SUCLG2: variants seen among roughly 807,000 people sequenced by gnomAD.
SUCLG2 encodes succinate-CoA ligase GDP-forming subunit beta.
A neutral mutation model predicts 47.9 loss-of-function variants in SUCLG2; 42 were observed. The ratio of observed to expected loss-of-function variants is 0.88; its 90% CI spans 0.69 to 1.14. The LOEUF (loss-of-function observed/expected upper bound fraction) is 1.14. Among genes scored for constraint, SUCLG2 ranks in the 50% most tolerant of loss-of-function variants. The pLI is 0.00. For missense variants in SUCLG2, 571 were observed against 525.9 expected, an observed-to-expected ratio of 1.09 and a Z score of -0.84; for synonymous variants, 195 against 197.3, an observed-to-expected ratio of 0.99 and a Z score of 0.10.
chr3:67,562,283 T>C (rs977138747), intron 2 of SUCLG2, among the ~76,000 whole-genome samples: 2 of 151,734 alleles, frequency 1.3e-5, no homozygotes, highest in African/African-American at 4.8e-5. Context: ...TTTTTTTGTT[T>C]GTTTTTTTTT....
At chr3:67,540,545 A>G (rs904994380) in intron 2 of SUCLG2, among the ~76,000 whole-genome samples, 17 of 152,356 alleles carry the variant, frequency 1.1e-4, no homozygotes, top group African/African-American at 3.8e-4. Context: ...CAGCAGCCCC[A>G]GTCAGGGACT....
chr3:67,456,844 G>A (rs1704198008), intron 9 of SUCLG2, among the ~76,000 whole-genome samples: 1 of 152,136 alleles, frequency 6.6e-6, no homozygotes, highest in Admixed American at 6.5e-5. Context: ...AGAAAAACAT[G>A]TTTAGGGGGA....
At chr3:67,365,178 G>A (rs1214605621) in intron 10 of SUCLG2, among the ~76,000 whole-genome samples, 1 of 152,180 alleles carries the variant, frequency 6.6e-6, no homozygotes, top group Non-Finnish European at 1.5e-5. Flanking sequence ...TAACAGAAGA[G>A]CTAATATTTA....
At chr3:67,451,431 A>G (rs1258732214) in intron 9 of SUCLG2, among the ~76,000 whole-genome samples, 1 of 152,220 alleles carries the variant, frequency 6.6e-6, no homozygotes, top group Non-Finnish European at 1.5e-5. Context: ...TTTCTCACGT[A>G]CAGTTGTCAG....
At chr3:67,486,320 GA>G (rs1705051301) in intron 9 of SUCLG2, among the ~76,000 whole-genome samples, 1 of 152,036 alleles carries the variant, frequency 6.6e-6, no homozygotes, top group African/African-American at 2.4e-5. Flanking sequence ...GAAAGAGAAA[GA>G]AAAGGTGTCT....
intron 2 of SUCLG2, among the ~76,000 whole-genome samples, chr3:67,535,806 A>C (rs1706525392): frequency 6.6e-6 from 1 of 152,106 alleles, no homozygotes. Flanking sequence ...ACCTAATCAC[A>C]ATGAACTGCA....
In SUCLG2 at chr3:67,486,397, T is replaced by C. The variant is rs562810152; in HGVS notation, c.1062+9401A>G. On this transcript the variant is annotated intron_variant, in intron 9 of 10. Transcript: ENST00000307227. ...AACACTACCCAGGCAATTCTCATTA[T>C]CCACAGTAGTTATGGTCTATACAGT... Among the ~76,000 whole-genome samples, 111 of 152,328 alleles carry C rather than the reference T, an allele frequency of 7.3e-4. 1 individual carries two copies. The Middle Eastern group carries it at 0.01, about 14-fold the overall frequency.
intron 1 of SUCLG2, among the ~76,000 whole-genome samples, chr3:67,644,470 G>A (rs934558293): frequency 6.6e-6 from 1 of 152,120 alleles, no homozygotes; most frequent in Non-Finnish European, 1.5e-5. Flanking sequence ...GGTTGGCAGG[G>A]ACTAGGGGAA....
At chr3:67,391,438 G>C (rs943524557) in intron 10 of SUCLG2, among the ~76,000 whole-genome samples, 5 of 152,132 alleles carry the variant, frequency 3.3e-5, no homozygotes, top group Non-Finnish European at 7.3e-5. Flanking sequence ...CTGGAGGAGA[G>C]AAAGAAACCT....
chr3:67,468,943 C>T (rs2106978204), intron 9 of SUCLG2, among the ~76,000 whole-genome samples: 1 of 152,312 alleles, frequency 6.6e-6, no homozygotes, highest in South Asian at 2.1e-4. Context: ...CCCCTGCCTT[C>T]AATCAGGTGT....
At chr3:67,427,620 GAT>G (rs1172195470) in intron 9 of SUCLG2, among the ~76,000 whole-genome samples, 1 of 152,260 alleles carries the variant, frequency 6.6e-6, no homozygotes, top group East Asian at 1.9e-4. Flanking sequence ...GGGCTTGTCG[GAT>G]ACTGGGTGCA....
intron 2 of SUCLG2, among the ~76,000 whole-genome samples, chr3:67,544,145 T>C (rs1928551): frequency 0.088 from 13,418 of 152,170 alleles, 836 homozygotes; most frequent in East Asian, 0.24. Flanking sequence ...CTGGAAGAAA[T>C]AGACACAAAC....
chr3:67,604,528 T>C (rs1708486448), intron 2 of SUCLG2, among the ~76,000 whole-genome samples: 1 of 152,228 alleles, frequency 6.6e-6, no homozygotes, highest in African/African-American at 2.4e-5. Context: ...AACTTTATCT[T>C]GCCTGTTTCC....
intron 2 of SUCLG2, among the ~76,000 whole-genome samples, chr3:67,591,765 T>G (rs1302812727): frequency 6.6e-6 from 1 of 152,196 alleles, no homozygotes; most frequent in Non-Finnish European, 1.5e-5. Context: ...GTTAGATCTA[T>G]CACATGGAGT....
chr3:67,651,026 G>A (rs903623371), intron 1 of SUCLG2, among the ~76,000 whole-genome samples: 4 of 152,258 alleles, frequency 2.6e-5, no homozygotes, highest in Middle Eastern at 3.4e-3. Flanking sequence ...TGGCTATATG[G>A]ACACAGCAAC....
chr3:67,430,006 C>G (rs1018371363), intron 9 of SUCLG2, among the ~76,000 whole-genome samples: 2 of 152,126 alleles, frequency 1.3e-5, no homozygotes, highest in Non-Finnish European at 2.9e-5. Context: ...TAATGGGAGA[C>G]TTTAACACCC....
intron 1 of SUCLG2, among the ~76,000 whole-genome samples, chr3:67,610,490 C>G (rs1700508545): frequency 6.6e-6 from 1 of 151,368 alleles, no homozygotes; most frequent in Non-Finnish European, 1.5e-5. Flanking sequence ...AATCTGTAAG[C>G]CCCATTTTTA....
At chr3:67,367,671 G>A (rs898346705) in intron 10 of SUCLG2, among the ~76,000 whole-genome samples, 3 of 152,192 alleles carry the variant, frequency 2.0e-5, no homozygotes, top group African/African-American at 7.2e-5. Flanking sequence ...TAGAAGTGAG[G>A]AGTGTCTCCA....
At chr3:67,488,983 T>G (rs965578695) in intron 9 of SUCLG2, among the ~76,000 whole-genome samples, 1 of 152,206 alleles carries the variant, frequency 6.6e-6, no homozygotes, top group South Asian at 2.1e-4. Flanking sequence ...AAAACCTGGA[T>G]TTTGAAGACA....
Sources: gnomAD v4.1 joint callset for allele counts (sites outside exome capture counted in the v4.1 genomes callset) on GRCh38, gnomAD v4.1.1 for gene constraint, MANE v1.5 for transcripts, NCBI Gene and HGNC (gene_info 2026-07-23, HGNC 2026-07-21) for gene names.